The following OPCML variants were observed in gnomAD, a reference collection of about 807,000 sequenced individuals.
OPCML encodes opioid-binding protein/cell adhesion molecule.
In OPCML, 13 loss-of-function variants were observed where a neutral mutation model predicts 37.8. That is an observed-to-expected ratio of 0.34 (90% CI 0.22 to 0.55). The LOEUF (loss-of-function observed/expected upper bound fraction) is 0.55, where lower values mean the gene tolerates loss of function less well. Ranked by LOEUF, OPCML falls within the 20% of genes least tolerant of loss-of-function variation. OPCML has a pLI of 0.91. For missense variants in OPCML, 341 were observed against 435.6 expected (o/e 0.78, Z 1.93); for synonymous variants, 176 against 168.8 (o/e 1.04, Z -0.33).
intron 1 of OPCML, among the ~76,000 whole-genome samples, chr11:133,068,780 G>A (rs1480492707): frequency 6.6e-6 from 1 of 152,188 alleles, no homozygotes; most frequent in African/African-American, 2.4e-5. Context: ...TTATTTGGTT[G>A]GGTTAGCCCC....
chr11:132,699,050 CTT>C (rs1412910419), intron 2 of OPCML, among the ~76,000 whole-genome samples: 2 of 151,704 alleles, frequency 1.3e-5, no homozygotes, highest in Non-Finnish European at 2.9e-5. Flanking sequence ...TCATCAATCT[CTT>C]ATAGTTTTCA....
chr11:132,797,849 T>G (rs1403074789), intron 2 of OPCML, among the ~76,000 whole-genome samples: 1 of 152,192 alleles, frequency 6.6e-6, no homozygotes, highest in Non-Finnish European at 1.5e-5. Context: ...TGTTGATGGC[T>G]GCTGACTGAT....
At chr11:133,364,666 T>C (rs780786712) in intron 1 of OPCML, among the ~76,000 whole-genome samples, 2 of 152,226 alleles carry the variant, frequency 1.3e-5, no homozygotes, top group African/African-American at 4.8e-5. Context: ...GAAGTTTGTA[T>C]GTCATGTACT....
chr11:132,641,939 T>C (rs1591660783), intron 3 of OPCML, among the ~76,000 whole-genome samples: 1 of 152,040 alleles, frequency 6.6e-6, no homozygotes, highest in African/African-American at 2.4e-5. Context: ...TGAAAGGAGG[T>C]GATGGAGATG....
chr11:132,963,942 A>T (rs1045173141), intron 1 of OPCML, among the ~76,000 whole-genome samples: 2 of 151,998 alleles, frequency 1.3e-5, no homozygotes, highest in African/African-American at 4.8e-5. Flanking sequence ...GAATTTACTC[A>T]CTTCCTCATT....
rs76636148 is a variant in OPCML at position 132,880,630 on chromosome 11, C to T, written c.146+62296G>A. Reference sequence around the variant, plus strand: ...ATTTTACAAAAAAACTCAATTAAAACGTACAAAATAAAGTGAACGCCCAAA... The same window carrying T: ...ATTTTACAAAAAAACTCAATTAAAATGTACAAAATAAAGTGAACGCCCAAA... On this transcript the variant is annotated intron_variant, in intron 2 of 7. Transcript: ENST00000524381. 5.3e-3 allele frequency among the ~76,000 whole-genome samples: 800 copies of T among 152,236 alleles called. 4 individuals carry two copies. The highest frequency in any genetic ancestry group is 0.018 in the African/African-American group (733 of 41,538).
chr11:133,460,390 A>C (rs1483980372), intron 1 of OPCML, among the ~76,000 whole-genome samples: 1 of 151,904 alleles, frequency 6.6e-6, no homozygotes, highest in Non-Finnish European at 1.5e-5. Context: ...AATTTTTAAA[A>C]AGACAATAGA....
intron 1 of OPCML, among the ~76,000 whole-genome samples, chr11:133,505,658 C>T (rs1948014328): frequency 6.6e-6 from 1 of 152,210 alleles, no homozygotes; most frequent in Non-Finnish European, 1.5e-5. Context: ...GCCTCCAGTG[C>T]CCCTGTCTTA....
At chr11:133,494,415 A>T (rs375939442) in intron 1 of OPCML, among the ~76,000 whole-genome samples, 3 of 151,596 alleles carry the variant, frequency 2.0e-5, no homozygotes, top group African/African-American at 4.9e-5. Context: ...TAAAGACACA[A>T]GCACACGTAT....
chr11:133,114,648 G>A (rs534175668), intron 1 of OPCML, among the ~76,000 whole-genome samples: 1 of 152,172 alleles, frequency 6.6e-6, no homozygotes, highest in African/African-American at 2.4e-5. Flanking sequence ...CCTATCCAAT[G>A]CCTCTTTTTA....
At chr11:132,570,530 G>T (rs2096434704) in intron 3 of OPCML, among the ~76,000 whole-genome samples, 1 of 151,574 alleles carries the variant, frequency 6.6e-6, no homozygotes, top group Admixed American at 6.6e-5. Flanking sequence ...ATACTTAAAG[G>T]TAGCCCTTAA....
At chr11:133,265,988 G>C (rs902872021) in intron 1 of OPCML, among the ~76,000 whole-genome samples, 3 of 152,092 alleles carry the variant, frequency 2.0e-5, no homozygotes, top group African/African-American at 7.2e-5. Flanking sequence ...TTTACAAAAG[G>C]AGAAGGGGAT....
At chr11:132,728,840 C>T (rs964216208) in intron 2 of OPCML, among the ~76,000 whole-genome samples, 1 of 152,030 alleles carries the variant, frequency 6.6e-6, no homozygotes, top group Non-Finnish European at 1.5e-5. Flanking sequence ...ACAAAATTCC[C>T]CTGAATTAAA....
chr11:132,769,096 G>A (rs1401865874), intron 2 of OPCML, among the ~76,000 whole-genome samples: 1 of 148,914 alleles, frequency 6.7e-6, no homozygotes, highest in African/African-American at 2.5e-5. Context: ...GTTTGAGGTC[G>A]CTGATGCACC....
rs1006689961 is a variant in OPCML at position 132,635,002 on chromosome 11, T to C, written c.379+22085A>G. 2.6e-5 allele frequency among the ~76,000 whole-genome samples: 4 copies of C among 152,136 alleles called. No individual in the cohort carries two copies. The East Asian group carries it at 7.7e-4, about 29-fold the overall frequency. On this transcript the variant is annotated intron_variant, in intron 3 of 7. Transcript: ENST00000524381. ...CTCATGCTCCAAGAGGAAGATTTTC[T>C]TGGAGATTTTAGTAGTTTTAAGATT...
At chr11:133,231,530 T>C (rs1005452458) in intron 1 of OPCML, among the ~76,000 whole-genome samples, 5 of 152,154 alleles carry the variant, frequency 3.3e-5, no homozygotes, top group Non-Finnish European at 7.3e-5. Context: ...AGATCCCAAG[T>C]TGAAAATGGC....
chr11:133,453,887 T>G (rs1946626177), intron 1 of OPCML, among the ~76,000 whole-genome samples: 1 of 152,168 alleles, frequency 6.6e-6, no homozygotes, highest in Admixed American at 6.5e-5. Context: ...AACACATGGA[T>G]GTCTAAAGTT....
At chr11:133,128,203 T>G (rs1242144942) in intron 1 of OPCML, among the ~76,000 whole-genome samples, 1 of 152,210 alleles carries the variant, frequency 6.6e-6, no homozygotes, top group Middle Eastern at 3.4e-3. Flanking sequence ...AAGGAACTAA[T>G]GAAGAGTGCC....
intron 1 of OPCML, among the ~76,000 whole-genome samples, chr11:133,266,914 G>T (rs1234373779): frequency 6.6e-6 from 1 of 152,164 alleles, no homozygotes; most frequent in Admixed American, 6.5e-5. Context: ...CTCAGGGCAG[G>T]TGAGATGTCT....
Sources: gnomAD v4.1 joint callset for allele counts (sites outside exome capture counted in the v4.1 genomes callset) on GRCh38, gnomAD v4.1.1 for gene constraint, MANE v1.5 for transcripts, NCBI Gene and HGNC (gene_info 2026-07-23, HGNC 2026-07-21) for gene names.